Variants in NMNAT2 observed in about 807,000 individuals in gnomAD.
NMNAT2 encodes nicotinamide nucleotide adenylyltransferase 2.
NMNAT2 carries 11 observed loss-of-function variants against 41.6 expected under a neutral mutation model. The observed-to-expected ratio is 0.26, with a 90% CI of 0.17 to 0.44. The LOEUF (loss-of-function observed/expected upper bound fraction) is 0.44. Ranked by LOEUF, NMNAT2 falls within the 20% of genes least tolerant of loss-of-function variation. The probability of loss-of-function intolerance (pLI) is 1.00; values close to 1 mark genes in which losing one functional copy is unlikely to be tolerated. For missense variants in NMNAT2, 288 were observed against 407.7 expected (o/e 0.71, Z 2.53); for synonymous variants, 148 against 151.2 (o/e 0.98, Z 0.16).
chr1:183,337,965 G>A (rs1049388876), intron 1 of NMNAT2, among the ~76,000 whole-genome samples: 1 of 152,048 alleles, frequency 6.6e-6, no homozygotes, highest in Non-Finnish European at 1.5e-5. Context: ...GAAATCTAAG[G>A]AATAAACTGG....
At position 183,278,544 on chromosome 1, in the gene NMNAT2, G is replaced by A; in HGVS notation, c.651+9C>T. 2 of 1,602,098 alleles carry A rather than the reference G, an allele frequency of 1.2e-6. No individual in the cohort carries two copies. Among genetic ancestry groups the A allele is most frequent in the Non-Finnish European group, 1.7e-6 (2 of 1,169,204 alleles). On this transcript the variant is annotated intron_variant, in intron 8 of 10. Coordinates refer to ENST00000287713, the MANE Select transcript of NMNAT2 (RefSeq NM_015039.4). ...CAGCTGGGTGCCAGGCAATAACCTT[G>A]CTACTCACATCTGCCTCGTTCCAGA...
intron 1 of NMNAT2, among the ~76,000 whole-genome samples, chr1:183,408,727 T>G (rs766856222): frequency 6.6e-6 from 1 of 152,196 alleles, no homozygotes; most frequent in Non-Finnish European, 1.5e-5. Context: ...TAAATTTTGA[T>G]TCCCTGGGGT....
At chr1:183,253,605 C>T (rs1431896799) in intron 10 of NMNAT2, among the ~76,000 whole-genome samples, 1 of 152,100 alleles carries the variant, frequency 6.6e-6, no homozygotes, top group Non-Finnish European at 1.5e-5. Flanking sequence ...CCACACTTGA[C>T]CCTGGTAATC....
At chr1:183,337,235 A>G (rs981592388) in intron 1 of NMNAT2, among the ~76,000 whole-genome samples, 1 of 152,214 alleles carries the variant, frequency 6.6e-6, no homozygotes, top group Non-Finnish European at 1.5e-5. Flanking sequence ...AAAGATTTCT[A>G]CAATAAGAGA....
chr1:183,371,212 G>A (rs1186147318), intron 1 of NMNAT2, among the ~76,000 whole-genome samples: 2 of 152,146 alleles, frequency 1.3e-5, no homozygotes, highest in East Asian at 3.8e-4. Context: ...GAAAGAAGCT[G>A]ATGTGAAAAA....
intron 1 of NMNAT2, among the ~76,000 whole-genome samples, chr1:183,347,016 G>A (rs1662944879): frequency 6.6e-6 from 1 of 151,982 alleles, no homozygotes; most frequent in Non-Finnish European, 1.5e-5. Context: ...TGACCTTCTG[G>A]GTGGGAACTC....
At chr1:183,256,553 T>C (rs917844089) in intron 10 of NMNAT2, among the ~76,000 whole-genome samples, 1 of 152,258 alleles carries the variant, frequency 6.6e-6, no homozygotes, top group African/African-American at 2.4e-5. Flanking sequence ...TCAATTGATA[T>C]GGTCATGTGG....
chr1:183,286,613 C>T, intron 5 of NMNAT2, 49 bp downstream of exon 5: 2 of 1,512,046 alleles, frequency 1.3e-6, no homozygotes, highest in Non-Finnish European at 1.8e-6. Context: ...TTTAACAAGC[C>T]CTCCACATGA....
intron 1 of NMNAT2, among the ~76,000 whole-genome samples, chr1:183,361,543 C>T (rs1225885793): frequency 1.3e-5 from 2 of 152,144 alleles, no homozygotes; most frequent in African/African-American, 4.8e-5. Flanking sequence ...ATTCTAGATG[C>T]TCAATAAATA....
chr1:183,315,844 C>T (rs1000382773), intron 1 of NMNAT2, among the ~76,000 whole-genome samples: 1 of 150,266 alleles, frequency 6.7e-6, no homozygotes, highest in African/African-American at 2.4e-5. Context: ...CAGCAAACCA[C>T]CATGGCACGT....
At chr1:183,272,485 G>T (rs1661009873) in intron 8 of NMNAT2, among the ~76,000 whole-genome samples, 1 of 152,234 alleles carries the variant, frequency 6.6e-6, no homozygotes, top group South Asian at 2.1e-4. Context: ...AAGGGGAAGG[G>T]TGTGTCACTG....
chr1:183,342,241 G>A (rs1662835904), intron 1 of NMNAT2, among the ~76,000 whole-genome samples: 1 of 151,894 alleles, frequency 6.6e-6, no homozygotes, highest in Non-Finnish European at 1.5e-5. Context: ...TGTAATCCCA[G>A]CACTTTTGGG....
At chr1:183,371,088 A>G (rs895796174) in intron 1 of NMNAT2, among the ~76,000 whole-genome samples, 3 of 152,200 alleles carry the variant, frequency 2.0e-5, no homozygotes, top group African/African-American at 7.2e-5. Context: ...AAAAAAGGCC[A>G]GGGGCAGGAG....
chr1:183,408,955 GA>G (rs1649041555), intron 1 of NMNAT2, among the ~76,000 whole-genome samples: 1 of 152,110 alleles, frequency 6.6e-6, no homozygotes, highest in Admixed American at 6.5e-5. Context: ...ATAAATATTT[GA>G]AAAGGAATAT....
intron 7 of NMNAT2, among the ~76,000 whole-genome samples, chr1:183,281,830 GA>G (rs1661277752): frequency 6.6e-6 from 1 of 152,220 alleles, no homozygotes; most frequent in Admixed American, 6.5e-5. Flanking sequence ...ATTTAGTGTG[GA>G]AGGAAATATT....
At position 183,418,299 on chromosome 1, in the gene NMNAT2, G is replaced by GGTT; in HGVS notation, c.-35_-33dup. ...GATGGGTCCTTCGCGGTGGTCTAGG[G>GGTT]GTTGCCTCTCTTTTTGTGTCTCGTT... On this transcript the variant is annotated 5_prime_UTR_variant, in exon 1 of 11. Coordinates refer to ENST00000287713, the MANE Select transcript of NMNAT2 (RefSeq NM_015039.4). 6.2e-7 allele frequency: 1 copy of GGTT among 1,600,564 alleles called. No individual in the cohort carries two copies. Among genetic ancestry groups the GGTT allele is most frequent in the Non-Finnish European group, 8.6e-7 (1 of 1,167,944 alleles).
chr1:183,380,828 G>A (rs542821728), intron 1 of NMNAT2, among the ~76,000 whole-genome samples: 11 of 152,292 alleles, frequency 7.2e-5, no homozygotes, highest in African/African-American at 2.6e-4. Context: ...GGAGAAATGA[G>A]CTGCTTGTCA....
chr1:183,357,318 C>T, intron 1 of NMNAT2, among the ~76,000 whole-genome samples: 1 of 150,458 alleles, frequency 6.6e-6, no homozygotes. Context: ...CAAGCTCCGC[C>T]TCCCGGGTTC....
intron 1 of NMNAT2, among the ~76,000 whole-genome samples, chr1:183,374,340 G>A (rs1043400369): frequency 3.9e-5 from 6 of 152,148 alleles, no homozygotes; most frequent in African/African-American, 1.4e-4. Flanking sequence ...TCCAGACCAG[G>A]CCATCTGTCC....
Sources: gnomAD v4.1 joint callset for allele counts (sites outside exome capture counted in the v4.1 genomes callset) on GRCh38, gnomAD v4.1.1 for gene constraint, MANE v1.5 for transcripts, NCBI Gene and HGNC (gene_info 2026-07-23, HGNC 2026-07-21) for gene names.